Variants in MYOM2 observed in about 807,000 individuals in gnomAD.
The protein encoded by MYOM2 is myomesin 2.
In MYOM2, 254 loss-of-function variants were observed where a neutral mutation model predicts 187.6. The ratio of observed to expected loss-of-function variants is 1.35; its 90% confidence interval spans 1.22 to 1.50. The LOEUF is 1.50. MYOM2 is among the 40% of genes most tolerant of loss of function. The pLI is 0.00. For synonymous variants in MYOM2, 981 were observed against 753.8 expected (o/e 1.30, Z -4.94); for missense variants, 2,796 against 1,924.0 (o/e 1.45, Z -8.48).
chr8:2,129,186 T>C lies in MYOM2; in HGVS notation c.3754T>C (p.Phe1252Leu). ...CTPEGIRLQC[F>L]MKYFTDEMKV... is the part of the protein sequence containing the mutation. ...CCCAGAAGGAATACGACTTCAGTGT[T>C]TCATGAAGTATTTTACAGACGAAAT... Residue 1252 changes from phenylalanine (F) to leucine (L), a missense_variant, in exon 32 of 37, where the codon TTC (phenylalanine) becomes CTC (leucine). Coordinates refer to ENST00000262113, the MANE Select transcript of MYOM2 (RefSeq NM_003970.4). 2.5e-6 allele frequency: 4 copies of C among 1,612,280 alleles called. No individual in the cohort carries two copies. The highest frequency in any genetic ancestry group is 2.5e-6 in the Non-Finnish European group (3 of 1,178,358).
chr8:2,120,689 A>ATATATATTTATAATAT, intron 28 of MYOM2, among the ~76,000 whole-genome samples: 1 of 42,416 alleles, frequency 2.4e-5, no homozygotes, highest in Non-Finnish European at 4.7e-5. Flanking sequence ...ATTATATATA[A>ATATATATTTATAATAT]ATATATAATA....
chr8:2,101,978 C>T (rs1165700877), intron 20 of MYOM2: 8 of 152,334 alleles, frequency 5.3e-5, no homozygotes, highest in Admixed American at 4.6e-4. Flanking sequence ...GCTGAGTTGC[C>T]AACTGCCTTA....
intron 32 of MYOM2, among the ~76,000 whole-genome samples, chr8:2,131,583 T>C (rs368057046): frequency 6.6e-6 from 1 of 151,892 alleles, no homozygotes; most frequent in Non-Finnish European, 1.5e-5. Context: ...AAAGTAACAT[T>C]ATTTCTATGT....
intron 1 of MYOM2, among the ~76,000 whole-genome samples, chr8:2,045,707 G>A (rs1268828665): frequency 1.2e-4 from 18 of 152,234 alleles, no homozygotes; most frequent in Admixed American, 1.2e-3. Flanking sequence ...AAATGACAGC[G>A]TTCTTACGGC....
At chr8:2,095,727 G>A (rs930035001) in intron 17 of MYOM2, among the ~76,000 whole-genome samples, 2 of 152,176 alleles carry the variant, frequency 1.3e-5, no homozygotes, top group Non-Finnish European at 2.9e-5. Flanking sequence ...TTAGGAGAAG[G>A]CGGTCCGTTT....
rs777160311 is a variant in MYOM2, at chr8:2,106,564, G to C, written c.2965G>C (p.Gly989Arg). The C allele has an allele frequency of 6.2e-7, 1 of 1,609,192 alleles. No individual in the cohort carries two copies. Among genetic ancestry groups the C allele is most frequent in the Non-Finnish European group, 8.5e-7 (1 of 1,175,830 alleles). ...TYSVSVSDTD[G>R]VSSSFVLDPE... is the part of the protein sequence containing the mutation. ...CTCCGTGTCTGTAAGTGATACAGAC[G>C]GAGTGTCCTCCAGTTTTGTTCTGGA... Residue 989 changes from glycine to arginine, a missense_variant, in exon 23 of 37, where the codon GGA becomes CGA. Transcript: ENST00000262113.
At chr8:2,117,020 C>T (rs1797271783) in intron 27 of MYOM2, among the ~76,000 whole-genome samples, 1 of 152,320 alleles carries the variant, frequency 6.6e-6, no homozygotes, top group African/African-American at 2.4e-5. Context: ...GCCTTGGCCT[C>T]CCAAAGTGCT....
chr8:2,085,206 G>T, intron 13 of MYOM2, 57 bp from the exon 14 acceptor site: 1 of 1,588,610 alleles, frequency 6.3e-7, no homozygotes, highest in Non-Finnish European at 8.6e-7. Flanking sequence ...CCCGAGGTGG[G>T]CTGCAGCGAG....
chr8:2,052,720 T>G (rs576606489), intron 3 of MYOM2, among the ~76,000 whole-genome samples: 2 of 152,122 alleles, frequency 1.3e-5, no homozygotes, highest in Non-Finnish European at 2.9e-5. Context: ...CCTAGCAGTG[T>G]GAGAGTAATT....
intron 20 of MYOM2, 113 bp from the exon 21 acceptor site, chr8:2,102,554 A>ACTCATTAAGTATCATTTTCCTAT: frequency 3.4e-6 from 2 of 583,940 alleles, no homozygotes; most frequent in South Asian, 2.8e-5. Flanking sequence ...CATTTTCCTA[A>ACTCATTAAGTATCATTTTCCTAT]CTGGAAAAAT....
At chr8:2,087,623 A>G (rs931357426) in intron 14 of MYOM2, among the ~76,000 whole-genome samples, 2 of 151,886 alleles carry the variant, frequency 1.3e-5, no homozygotes, top group Non-Finnish European at 2.9e-5. Context: ...TTTTGTTTTT[A>G]TTTTTGAGAC....
chr8:2,055,026 GAT>G (rs1818613570), intron 3 of MYOM2, among the ~76,000 whole-genome samples: 1 of 84,668 alleles, frequency 1.2e-5, no homozygotes. Flanking sequence ...CAAGTACCTG[GAT>G]ACTGGGGAAC....
intron 18 of MYOM2, chr8:2,097,153 C>T: frequency 1.0e-6 from 1 of 958,846 alleles, no homozygotes; most frequent in Middle Eastern, 5.3e-4. Context: ...AGTGTAAGGC[C>T]TTAGAAGATC....
chr8:2,106,523 A>C lies in MYOM2; in HGVS notation c.2924A>C (p.Glu975Ala), dbSNP rs775047488. Residue 975 changes from glutamate to alanine, a missense_variant, in exon 23 of 37, where the codon GAG becomes GCG. Coordinates refer to ENST00000262113, the MANE Select transcript of MYOM2 (RefSeq NM_003970.4). ...CTGTACTTAAAGAATCCGGATAAGG[A>C]GGATTTAGGGACTTACTCCGTGTCT... is the stretch of plus-strand genomic sequence containing the variant. Reference protein sequence around the residue: ...SKLYLKNPDKEDLGTYSVSVS... With the variant: ...SKLYLKNPDKADLGTYSVSVS... 6.2e-7 allele frequency: 1 copy of C among 1,612,572 alleles called. No homozygotes were observed. The highest frequency in any genetic ancestry group is 8.5e-7 in the Non-Finnish European group (1 of 1,178,682).
intron 18 of MYOM2, among the ~76,000 whole-genome samples, 161 bp from the exon 19 acceptor site, chr8:2,098,696 C>T (rs7817175): frequency 0.37 from 56,841 of 152,038 alleles, 11,384 homozygotes; most frequent in East Asian, 0.52. Flanking sequence ...TGCAGCTCGT[C>T]GGCCACATCG....
At chr8:2,096,025 A>G (rs1293239855) in intron 17 of MYOM2, among the ~76,000 whole-genome samples, 2 of 152,172 alleles carry the variant, frequency 1.3e-5, no homozygotes, top group African/African-American at 2.4e-5. Context: ...ATAGCAATAC[A>G]TATATATGAG....
intron 28 of MYOM2, among the ~76,000 whole-genome samples, chr8:2,120,264 C>T (rs1232445910): frequency 1.3e-5 from 2 of 151,950 alleles, no homozygotes; most frequent in East Asian, 1.9e-4. Context: ...GTTTAACTGT[C>T]GTTAGTTGGT....
intron 5 of MYOM2, among the ~76,000 whole-genome samples, chr8:2,058,925 A>T (rs1257180186): frequency 6.6e-6 from 1 of 152,218 alleles, no homozygotes; most frequent in Non-Finnish European, 1.5e-5. Context: ...TGATCTGCCG[A>T]ATGGGGAATC....
chr8:2,122,631 T>C lies in MYOM2; in HGVS notation c.3454-621T>C, dbSNP rs74426686. On this transcript the variant is annotated intron_variant, in intron 28 of 36. Transcript: ENST00000262113. ...GTATAATCTCATGGGATTCAAACAT[T>C]CTGCCATGCTGAATCAGAATTCTTC... is the stretch of plus-strand genomic sequence containing the variant. Among the ~76,000 whole-genome samples, 175 of 152,380 alleles carry C rather than the reference T, an allele frequency of 1.1e-3. 1 individual carries two copies. In the South Asian group the frequency reaches 0.013, roughly 12 times the overall value.
Sources: gnomAD v4.1 joint callset for allele counts (sites outside exome capture counted in the v4.1 genomes callset) on GRCh38, gnomAD v4.1.1 for gene constraint, MANE v1.5 for transcripts, NCBI Gene and HGNC (gene_info 2026-07-23, HGNC 2026-07-21) for gene names.